FMNL2: variants seen among roughly 807,000 people sequenced by gnomAD.
FMNL2 encodes the protein formin like 2, also known as formin-like protein 2.
FMNL2 carries 51 observed loss-of-function variants against 130.2 expected under a neutral mutation model. The ratio of observed to expected loss-of-function variants is 0.39; its 90% CI spans 0.31 to 0.49. FMNL2 has a LOEUF of 0.49. Ranked by LOEUF, FMNL2 falls within the 20% of genes least tolerant of loss-of-function variation. The pLI is 0.85. For missense variants in FMNL2, 977 were observed against 1,316.2 expected (o/e 0.74, Z 3.99); for synonymous variants, 465 against 467.1 (o/e 1.00, Z 0.06).
At position 152,537,283 on chromosome 2, in the gene FMNL2, T is replaced by C. The variant is rs117842444; in HGVS notation, c.202-5456T>C. On this transcript the variant is annotated intron_variant, in intron 2 of 25. Coordinates refer to ENST00000288670, the MANE Select transcript of FMNL2 (RefSeq NM_052905.4). Reference sequence around the variant, plus strand: ...TCTAGTTTCCCACCTTGGGTTGCAGTAGACTTGGTCATTAAGTGGAGTCCA... The same window carrying C: ...TCTAGTTTCCCACCTTGGGTTGCAGCAGACTTGGTCATTAAGTGGAGTCCA... Among the ~76,000 whole-genome samples the C allele has an allele frequency of 1.2e-4, 19 of 152,332 alleles. No individual in the cohort carries two copies. In the East Asian group the frequency reaches 3.7e-3, roughly 29 times the overall value.
intron 1 of FMNL2, among the ~76,000 whole-genome samples, chr2:152,513,553 A>C (rs1227301269): frequency 1.3e-5 from 2 of 152,226 alleles, no homozygotes; most frequent in Non-Finnish European, 1.5e-5. Flanking sequence ...TATAAAAGAC[A>C]GAACAGAATG....
Position 152,430,872 on chromosome 2 carries a change from C to T in FMNL2, c.118-91071C>T, listed in dbSNP as rs529475526. Among the ~76,000 whole-genome samples the T allele has an allele frequency of 8.0e-5, 12 of 149,152 alleles. No individual in the cohort carries two copies. In the South Asian group the frequency reaches 1.9e-3, roughly 24 times the overall value. ...TGGGTGACAGAGTGAGACTTGGTCT[C>T]GAAAATATATATATATATATGTTTA... On this transcript the variant is annotated intron_variant, in intron 1 of 25. Coordinates refer to ENST00000288670, the MANE Select transcript of FMNL2 (RefSeq NM_052905.4).
intron 12 of FMNL2, among the ~76,000 whole-genome samples, chr2:152,615,890 C>T (rs1173734955): frequency 6.6e-6 from 1 of 152,158 alleles, no homozygotes; most frequent in Non-Finnish European, 1.5e-5. Flanking sequence ...CACCTTTCCC[C>T]ATCACTGTGA....
At chr2:152,481,716 A>G (rs1253140200) in intron 1 of FMNL2, among the ~76,000 whole-genome samples, 5 of 152,220 alleles carry the variant, frequency 3.3e-5, no homozygotes, top group Non-Finnish European at 5.9e-5. Context: ...TTGTCGTGAT[A>G]GGTCCTCTCC....
intron 1 of FMNL2, among the ~76,000 whole-genome samples, chr2:152,499,273 G>A (rs1458257491): frequency 6.6e-6 from 1 of 152,202 alleles, no homozygotes; most frequent in Non-Finnish European, 1.5e-5. Context: ...AAAAAGGAAA[G>A]GCACAAAGGA....
At chr2:152,346,916 C>T (rs1346468389) in intron 1 of FMNL2, among the ~76,000 whole-genome samples, 1 of 151,618 alleles carries the variant, frequency 6.6e-6, no homozygotes, top group Admixed American at 6.6e-5. Context: ...ATGGTGAAAC[C>T]CCGTATCTAC....
At chr2:152,362,780 T>A (rs1683253662) in intron 1 of FMNL2, among the ~76,000 whole-genome samples, 1 of 152,194 alleles carries the variant, frequency 6.6e-6, no homozygotes, top group Non-Finnish European at 1.5e-5. Flanking sequence ...TCCTTCAAAA[T>A]CAGGAGTCCC....
intron 1 of FMNL2, among the ~76,000 whole-genome samples, chr2:152,348,184 A>T (rs768750550): frequency 6.6e-6 from 1 of 152,216 alleles, no homozygotes; most frequent in African/African-American, 2.4e-5. Flanking sequence ...GGTATGAATT[A>T]TCTCTTACTC....
At chr2:152,415,594 A>G (rs545694890) in intron 1 of FMNL2, among the ~76,000 whole-genome samples, 1 of 152,060 alleles carries the variant, frequency 6.6e-6, no homozygotes, top group Non-Finnish European at 1.5e-5. Context: ...ACACTGGTCT[A>G]TTTTTGAGGT....
intron 1 of FMNL2, among the ~76,000 whole-genome samples, chr2:152,428,376 G>A (rs1687300048): frequency 6.6e-6 from 1 of 152,128 alleles, no homozygotes; most frequent in Non-Finnish European, 1.5e-5. Flanking sequence ...GGAAACAAAG[G>A]GGCAGCTGTA....
intron 9 of FMNL2, among the ~76,000 whole-genome samples, chr2:152,597,055 T>C (rs1697808815): frequency 6.6e-6 from 1 of 152,252 alleles, no homozygotes; most frequent in African/African-American, 2.4e-5. Context: ...GATCTTCTAA[T>C]AATTGGCACA....
chr2:152,642,931 C>G (rs1045571087), intron 25 of FMNL2, among the ~76,000 whole-genome samples: 1 of 152,054 alleles, frequency 6.6e-6, no homozygotes, highest in African/African-American at 2.4e-5. Flanking sequence ...ATTGCTTGAA[C>G]CTGGGAGGTG....
intron 1 of FMNL2, among the ~76,000 whole-genome samples, chr2:152,440,147 G>A (rs1355232755): frequency 6.6e-6 from 1 of 152,064 alleles, no homozygotes; most frequent in Non-Finnish European, 1.5e-5. Context: ...TAGGCACCAG[G>A]TCTCGCTATG....
At chr2:152,539,921 G>A (rs183200725) in intron 2 of FMNL2, among the ~76,000 whole-genome samples, 15 of 152,194 alleles carry the variant, frequency 9.9e-5, no homozygotes, top group Admixed American at 5.9e-4. Flanking sequence ...GCAACATGGT[G>A]AGACCTTGTC....
intron 10 of FMNL2, chr2:152,607,781 G>C: frequency 6.2e-6 from 1 of 162,246 alleles, no homozygotes; most frequent in Non-Finnish European, 1.3e-5. Context: ...ATTTTTGCAG[G>C]CCCCTGCCAG....
In FMNL2 at chr2:152,563,536, A is replaced by G. The variant is rs1288280765; in HGVS notation, c.596+2501A>G. On this transcript the variant is annotated intron_variant, in intron 6 of 25. Coordinates refer to ENST00000288670, the MANE Select transcript of FMNL2 (RefSeq NM_052905.4). ...TCTGTATTTGGTCATTGGATATAGCATCTGTGACATAAAAACAGCAATCAG... is the reference window on the plus strand; with the variant it reads ...TCTGTATTTGGTCATTGGATATAGCGTCTGTGACATAAAAACAGCAATCAG... Among the ~76,000 whole-genome samples, 3 of 152,188 alleles carry G rather than the reference A, an allele frequency of 2.0e-5. No individual in the cohort carries two copies. In the East Asian group the frequency reaches 5.8e-4, roughly 29 times the overall value.
At chr2:152,488,558 G>A (rs901927424) in intron 1 of FMNL2, among the ~76,000 whole-genome samples, 1 of 152,166 alleles carries the variant, frequency 6.6e-6, no homozygotes, top group Admixed American at 6.5e-5. Flanking sequence ...TAGTTACTGT[G>A]TATCCACTTT....
At chr2:152,469,487 TG>T (rs1384692720) in intron 1 of FMNL2, among the ~76,000 whole-genome samples, 12 of 152,214 alleles carry the variant, frequency 7.9e-5, no homozygotes, top group African/African-American at 2.9e-4. Flanking sequence ...CACCCACAGC[TG>T]CACCCGTCTT....
chr2:152,632,188 T>C (rs1682219446), intron 21 of FMNL2, 51 bp downstream of exon 21: 3 of 1,581,116 alleles, frequency 1.9e-6, no homozygotes, highest in Admixed American at 3.6e-5. Flanking sequence ...ATGCCTTTAA[T>C]TGTGGTGGAG....
Sources: gnomAD v4.1 joint callset for allele counts (sites outside exome capture counted in the v4.1 genomes callset) on GRCh38, gnomAD v4.1.1 for gene constraint, MANE v1.5 for transcripts, NCBI Gene and HGNC (gene_info 2026-07-23, HGNC 2026-07-21) for gene names.